Variants in HEPH observed in about 807,000 individuals in gnomAD.
HEPH encodes the protein hephaestin.
A neutral mutation model predicts 80.8 loss-of-function variants in HEPH; 69 were observed. The ratio of observed to expected loss-of-function variants is 0.85; its 90% CI spans 0.70 to 1.04. HEPH has a LOEUF of 1.04. HEPH is among the 50% of genes least tolerant of loss of function. The pLI is 0.00. For missense variants in HEPH, 1,115 were observed against 891.3 expected, an observed-to-expected ratio of 1.25 and a Z score of -3.20; for synonymous variants, 431 against 322.8, an observed-to-expected ratio of 1.34 and a Z score of -3.60.
At chrX:66,195,737 T>C (rs747686690) in intron 9 of HEPH, among the ~76,000 whole-genome samples, 1 of 111,842 alleles carries the variant, frequency 8.9e-6, no homozygotes, top group South Asian at 3.7e-4. Context: ...TTTTCCTCTA[T>C]TGCTTGGACA....
intron 13 of HEPH, among the ~76,000 whole-genome samples, 182 bp from the exon 14 acceptor site, chrX:66,207,013 G>A (rs756256724): frequency 8.4e-5 from 9 of 106,510 alleles, no homozygotes; most frequent in East Asian, 3.0e-4. Flanking sequence ...GCGAAACTCC[G>A]TCTAAAATAA....
chrX:66,266,783 G>A lies in HEPH; in HGVS notation c.*111G>A. The A allele has an allele frequency of 6.4e-6, 3 of 470,271 alleles. No individual in the cohort carries two copies. The highest frequency in any genetic ancestry group is 6.9e-5 in the South Asian group (2 of 29,151). The allele number at this position is 470,271 out of a possible 1,213,427, so 38.8% of individuals were successfully genotyped here. On this transcript the variant is annotated 3_prime_UTR_variant, in exon 21 of 21. Transcript: ENST00000343002. ...AAGGGGCATGGGTGGTGGAGAAGCA[G>A]AAGGAGCAATCAAGCTTATCTGGAT...
intron 19 of HEPH, among the ~76,000 whole-genome samples, chrX:66,262,624 C>A (rs773988547): frequency 9.0e-6 from 1 of 111,552 alleles, no homozygotes; most frequent in South Asian, 3.8e-4. Flanking sequence ...GCATACCAGA[C>A]AAAATACAGG....
intron 15 of HEPH, among the ~76,000 whole-genome samples, chrX:66,252,861 G>T (rs916931046): frequency 8.9e-6 from 1 of 112,160 alleles, no homozygotes; most frequent in African/African-American, 3.2e-5. Context: ...GAAAAAAATA[G>T]TCTTTTCAAT....
intron 1 of HEPH, among the ~76,000 whole-genome samples, chrX:66,167,432 C>T (rs1418841288): frequency 8.9e-6 from 1 of 112,058 alleles, no homozygotes; most frequent in African/African-American, 3.2e-5. Flanking sequence ...TCAGTTTTAT[C>T]ATGTGTTTCT....
In HEPH at chrX:66,229,693, A is replaced by T. The variant is rs184782389; in HGVS notation, c.2563+21447A>T. On this transcript the variant is annotated intron_variant, in intron 15 of 20. Transcript: ENST00000343002. The stretch of plus-strand genomic sequence containing the variant: ...TATCTTAATCTCTAAATTGTATTAG[A>T]TGGCATAGATTCTAATAAGCTTTGA... Among the ~76,000 whole-genome samples, 672 of 112,324 alleles carry T rather than the reference A, an allele frequency of 6.0e-3. 6 individuals carry two copies. Among genetic ancestry groups the T allele is most frequent in the African/African-American group, 0.02 (627 of 30,961 alleles).
intron 15 of HEPH, among the ~76,000 whole-genome samples, chrX:66,219,264 C>T (rs1003504435): frequency 3.6e-5 from 4 of 111,930 alleles, no homozygotes; most frequent in African/African-American, 9.7e-5. Flanking sequence ...GCACTGGGAA[C>T]CACTTTCCAA....
At chrX:66,192,792 G>T (rs1197292936) in intron 7 of HEPH, among the ~76,000 whole-genome samples, 1 of 111,470 alleles carries the variant, frequency 9.0e-6, no homozygotes, top group Non-Finnish European at 1.9e-5. Flanking sequence ...TCTTTTGAAG[G>T]AATTTCTCCA....
intron 15 of HEPH, among the ~76,000 whole-genome samples, chrX:66,221,454 G>A (rs1315536906): frequency 1.8e-5 from 2 of 112,740 alleles, no homozygotes; most frequent in Non-Finnish European, 3.8e-5. Flanking sequence ...AGTTACCACA[G>A]CATGGGGGGC....
chrX:66,191,177 C>G (rs2087767738), intron 6 of HEPH, among the ~76,000 whole-genome samples: 2 of 111,498 alleles, frequency 1.8e-5, no homozygotes, highest in Non-Finnish European at 3.8e-5. Context: ...TCAACTCCAC[C>G]TCTGACTAGC....
intron 17 of HEPH, among the ~76,000 whole-genome samples, chrX:66,257,340 T>TGAAG (rs1436526234): frequency 8.9e-6 from 1 of 111,868 alleles, no homozygotes; most frequent in Non-Finnish European, 1.9e-5. Context: ...TAAGTCTACC[T>TGAAG]ACCTATCGAT....
At chrX:66,181,997 A>G (rs1290344675) in intron 4 of HEPH, among the ~76,000 whole-genome samples, 5 of 110,085 alleles carry the variant, frequency 4.5e-5, no homozygotes, top group South Asian at 4.0e-4. Flanking sequence ...TTTGTCAAAG[A>G]TAAGATAGTT....
In HEPH at chrX:66,203,548, G is replaced by A; in HGVS notation, c.2262G>A (p.Arg754=). 4 of 1,211,312 alleles carry A rather than the reference G, an allele frequency of 3.3e-6. No homozygotes were observed. Among genetic ancestry groups the A allele is most frequent in the Non-Finnish European group, 1.1e-6 (1 of 894,977 alleles). Residue 754 remains arginine (R), a synonymous_variant, in exon 13 of 21, where the codon CGG becomes CGA. Coordinates refer to ENST00000343002, the MANE Select transcript of HEPH (RefSeq NM_001367233.3). ...ATTGCCCTGACCGGAGCTGGGAACG[G>A]GAATGGCACAACCAGTCTGAGAAGG... is the stretch of plus-strand genomic sequence containing the variant. ...WDYCPDRSWE[R]EWHNQSEKDS...
intron 4 of HEPH, 34 bp from the exon 5 acceptor site, chrX:66,188,325 A>C: frequency 9.1e-7 from 1 of 1,097,893 alleles, no homozygotes; most frequent in East Asian, 3.3e-5. Context: ...TAAGGAAAGG[A>C]TCTTCTCAAG....
At chrX:66,248,832 G>A (rs1294715118) in intron 15 of HEPH, among the ~76,000 whole-genome samples, 2 of 111,727 alleles carry the variant, frequency 1.8e-5, no homozygotes, top group African/African-American at 6.5e-5. Context: ...GTGCTTTCAG[G>A]TTTCCACTGG....
At chrX:66,227,015 C>A in intron 15 of HEPH, among the ~76,000 whole-genome samples, 1 of 111,663 alleles carries the variant, frequency 9.0e-6, no homozygotes. Context: ...CCCTGATGAA[C>A]ATAGATGCAG....
At chrX:66,177,322 G>T (rs922667782) in intron 4 of HEPH, among the ~76,000 whole-genome samples, 1 of 111,660 alleles carries the variant, frequency 9.0e-6, no homozygotes, top group Non-Finnish European at 1.9e-5. Context: ...TTGAATGTCT[G>T]GTAGGATTCC....
chrX:66,218,539 T>C (rs2089495801), intron 15 of HEPH, among the ~76,000 whole-genome samples: 1 of 111,685 alleles, frequency 9.0e-6, no homozygotes, highest in Non-Finnish European at 1.9e-5. Context: ...TGGGATACAA[T>C]AGTGGTGCAA....
intron 15 of HEPH, among the ~76,000 whole-genome samples, chrX:66,223,683 A>AT (rs762443917): frequency 1.3e-4 from 14 of 111,657 alleles, no homozygotes; most frequent in East Asian, 8.4e-4. Flanking sequence ...TTACACACAG[A>AT]TTTTTTTTAT....
Sources: allele counts gnomAD v4.1 joint callset (sites outside exome capture counted in the v4.1 genomes callset), GRCh38; gene constraint gnomAD v4.1.1; transcripts MANE v1.5; gene names NCBI Gene and HGNC (gene_info 2026-07-23, HGNC 2026-07-21).